ZNF599: variants seen among roughly 807,000 people sequenced by gnomAD.
ZNF599 encodes zinc finger protein 599.
ZNF599 carries 10 observed loss-of-function variants against 11.7 expected under a neutral mutation model. The observed-to-expected ratio is 0.86, with a 90% CI of 0.53 to 1.45. The LOEUF (loss-of-function observed/expected upper bound fraction) is 1.45. Ranked by LOEUF, ZNF599 falls within the 40% of genes most tolerant of loss-of-function variation. The pLI is 0.00. For synonymous variants in ZNF599, 232 were observed against 253.2 expected (o/e 0.92, Z 0.79); for missense variants, 688 against 713.6 (o/e 0.96, Z 0.41).
At chr19:34,771,155 T>C (rs2145464798) in intron 1 of ZNF599, among the ~76,000 whole-genome samples, 2 of 152,110 alleles carry the variant, frequency 1.3e-5, no homozygotes, top group Middle Eastern at 3.4e-3. Flanking sequence ...ACACCGATAA[T>C]CCTAGCTACT....
chr19:34,789,901 G>A, the ZNF599 span, among the ~76,000 whole-genome samples: 1 of 151,966 alleles, frequency 6.6e-6, no homozygotes, highest in Non-Finnish European at 1.5e-5. Context: ...GTACTTTGGG[G>A]GTCATATCCA....
At chr19:34,766,138 T>C (rs1003105224) in intron 3 of ZNF599, among the ~76,000 whole-genome samples, 1 of 151,892 alleles carries the variant, frequency 6.6e-6, no homozygotes, top group Non-Finnish European at 1.5e-5. Flanking sequence ...CAAGTGAAGA[T>C]GTGGAATAGG....
chr19:34,797,556 G>A, the ZNF599 span, among the ~76,000 whole-genome samples: 2 of 152,074 alleles, frequency 1.3e-5, no homozygotes, highest in African/African-American at 4.8e-5. Flanking sequence ...GCATTTCTCT[G>A]ATGGCCAGTG....
At chr19:34,777,247 A>T (rs574203028), upstream of ZNF599, among the ~76,000 whole-genome samples, 652 of 129,760 alleles carry the variant, frequency 5.0e-3, 2 homozygotes, top group Non-Finnish European at 6.2e-3. Context: ...ATATATATTT[A>T]AAATATATAT....
chr19:34,772,166 G>A (rs1308343370), intron 1 of ZNF599, among the ~76,000 whole-genome samples: 1 of 152,204 alleles, frequency 6.6e-6, no homozygotes, highest in Non-Finnish European at 1.5e-5. Flanking sequence ...TGAATATTGT[G>A]CTGGATTTGC....
chr19:34,769,666 C>G (rs1055182739), intron 1 of ZNF599, 111 bp from the exon 2 acceptor site: 1 of 1,346,876 alleles, frequency 7.4e-7, no homozygotes, highest in Non-Finnish European at 1.0e-6. Flanking sequence ...CTGAGCAACT[C>G]CTGAGAACCA....
chr19:34,760,659 T>C, intron 3 of ZNF599, 100 bp from the exon 4 acceptor site: 1 of 1,059,524 alleles, frequency 9.4e-7, no homozygotes, highest in South Asian at 1.7e-5. Flanking sequence ...AAACAGTGTC[T>C]CTGATGCCTA....
the ZNF599 span, among the ~76,000 whole-genome samples, chr19:34,792,525 A>G: frequency 1.3e-5 from 2 of 152,206 alleles, no homozygotes; most frequent in Admixed American, 1.3e-4. Context: ...GGGAATCTGT[A>G]TAAACCAAGG....
chr19:34,806,261 C>G, the ZNF599 span, among the ~76,000 whole-genome samples: 1 of 152,198 alleles, frequency 6.6e-6, no homozygotes, highest in African/African-American at 2.4e-5. Context: ...ACTGACTGTA[C>G]AATCTCTATA....
chr19:34,781,159 A>T, the ZNF599 span, among the ~76,000 whole-genome samples: 130,489 of 140,774 alleles, frequency 0.93, 60,671 homozygotes, highest in Middle Eastern at 0.99. Context: ...CTGTCTCAAA[A>T]AAAAATAAAA....
At chr19:34,777,363 T>TTA (rs1568496933), upstream of ZNF599, among the ~76,000 whole-genome samples, 1 of 71,024 alleles carries the variant, frequency 1.4e-5, no homozygotes, top group Non-Finnish European at 2.5e-5. Context: ...TATATATTAA[T>TTA]ATATTATATA....
chr19:34,795,103 C>G, the ZNF599 span, among the ~76,000 whole-genome samples: 1 of 152,158 alleles, frequency 6.6e-6, no homozygotes, highest in Admixed American at 6.5e-5. Flanking sequence ...AAGACACAGA[C>G]TTTACTAAGA....
At chr19:34,769,580 G>A (rs1278075065) in intron 1 of ZNF599, 25 bp from the exon 2 acceptor site, 6 of 1,607,270 alleles carry the variant, frequency 3.7e-6, no homozygotes, top group Middle Eastern at 1.7e-4. Context: ...AGAGGTGACA[G>A]GTGGCTGTGG....
chr19:34,800,592 T>TTTTG, the ZNF599 span, among the ~76,000 whole-genome samples: 1 of 146,370 alleles, frequency 6.8e-6, no homozygotes, highest in Non-Finnish European at 1.5e-5. Context: ...CTTTGTTTTT[T>TTTTG]TTTTTTTTTT....
chr19:34,793,089 C>T, the ZNF599 span, among the ~76,000 whole-genome samples: 1 of 152,048 alleles, frequency 6.6e-6, no homozygotes, highest in Admixed American at 6.5e-5. Flanking sequence ...TGCCTGATAG[C>T]TCGATCTAGT....
chr19:34,787,219 TATCATCATC>T, the ZNF599 span, among the ~76,000 whole-genome samples: 7,596 of 148,578 alleles, frequency 0.051, 216 homozygotes, highest in Non-Finnish European at 0.065. Context: ...CGGCTATTTT[TATCATCATC>T]ATCATCATCA....
chr19:34,774,471 C>T (rs2069206949), upstream of ZNF599, among the ~76,000 whole-genome samples: 2 of 152,198 alleles, frequency 1.3e-5, no homozygotes, highest in Non-Finnish European at 2.9e-5. Context: ...AAAAGCATTA[C>T]ATCCAAAGAG....
rs74756573 is a variant in ZNF599, at chr19:34,769,145, A to G, written c.145+284T>C. Among the ~76,000 whole-genome samples, 10 of 152,334 alleles carry G rather than the reference A, an allele frequency of 6.6e-5. No individual in the cohort carries two copies. The East Asian group carries it at 1.9e-3, about 29-fold the overall frequency. ...GCTGTGAGGACATTTGACTCAACCA[A>G]GCTGGGCCAATTACCTCTTGTGGCA... On this transcript the variant is annotated intron_variant, in intron 2 of 3. Coordinates refer to ENST00000329285, the MANE Select transcript of ZNF599 (RefSeq NM_001007248.3).
the ZNF599 span, among the ~76,000 whole-genome samples, chr19:34,805,186 C>T: frequency 4.0e-5 from 6 of 150,102 alleles, no homozygotes; most frequent in Non-Finnish European, 8.9e-5. Flanking sequence ...GGAGTAATCC[C>T]TAAGTGCTAC....
Sources: allele counts gnomAD v4.1 joint callset (sites outside exome capture counted in the v4.1 genomes callset), GRCh38; gene constraint gnomAD v4.1.1; transcripts MANE v1.5; gene names NCBI Gene and HGNC (gene_info 2026-07-23, HGNC 2026-07-21).